The following CCDC3 variants were observed in gnomAD, a reference collection of about 807,000 sequenced individuals.
CCDC3 encodes the protein coiled-coil domain containing 3.
Under a neutral mutation model 21.4 loss-of-function variants are expected in CCDC3, and 24 were observed. That is an observed-to-expected ratio of 1.12 (90% CI 0.81 to 1.58). CCDC3 has a LOEUF of 1.58. CCDC3 is among the 40% of genes most tolerant of loss of function. The pLI, the probability that CCDC3 is intolerant of heterozygous loss-of-function variation, is 0.00. For synonymous variants in CCDC3, 186 were observed against 166.0 expected (o/e 1.12, Z -0.93); for missense variants, 425 against 360.9 (o/e 1.18, Z -1.44).
At chr10:13,021,920 C>T (rs1189496457) in intron 5 of CCDC3, among the ~76,000 whole-genome samples, 2 of 152,084 alleles carry the variant, frequency 1.3e-5, no homozygotes, top group African/African-American at 4.8e-5. Flanking sequence ...CCACCATGCC[C>T]AGCTAATTTT....
At chr10:13,055,367 T>C (rs552743849) in intron 4 of CCDC3, among the ~76,000 whole-genome samples, 214 of 151,892 alleles carry the variant, frequency 1.4e-3, no homozygotes, top group Middle Eastern at 3.4e-3. Flanking sequence ...GGTCTCACTC[T>C]GTCACCCAGG....
At chr10:13,039,199 T>C (rs1394464784) in intron 5 of CCDC3, among the ~76,000 whole-genome samples, 1 of 152,178 alleles carries the variant, frequency 6.6e-6, no homozygotes, top group African/African-American at 2.4e-5. Flanking sequence ...GCAGATCTCC[T>C]GAAGTCAGGG....
At chr10:13,035,186 C>T (rs916950817) in intron 5 of CCDC3, among the ~76,000 whole-genome samples, 1 of 152,072 alleles carries the variant, frequency 6.6e-6, no homozygotes, top group African/African-American at 2.4e-5. Context: ...CAGAGGCTTT[C>T]CTAGGTGGAA....
intron 2 of CCDC3, among the ~76,000 whole-genome samples, chr10:12,914,981 T>A (rs1564281550): frequency 6.6e-6 from 1 of 152,236 alleles, no homozygotes; most frequent in African/African-American, 2.4e-5. Context: ...TGTTATAAAC[T>A]TCTCTCTTAG....
At chr10:13,036,906 C>CA (rs1836384682) in intron 5 of CCDC3, among the ~76,000 whole-genome samples, 1 of 151,444 alleles carries the variant, frequency 6.6e-6, no homozygotes, top group Non-Finnish European at 1.5e-5. Flanking sequence ...CAGTATCCAG[C>CA]ATAGCTAGGA....
chr10:12,952,389 C>T (rs1255219961), intron 2 of CCDC3, among the ~76,000 whole-genome samples: 1 of 152,116 alleles, frequency 6.6e-6, no homozygotes, highest in Non-Finnish European at 1.5e-5. Context: ...TGTATTGAAC[C>T]CAACAAAGAA....
At chr10:12,943,052 A>C (rs746361526) in intron 2 of CCDC3, among the ~76,000 whole-genome samples, 1 of 152,054 alleles carries the variant, frequency 6.6e-6, no homozygotes, top group Non-Finnish European at 1.5e-5. Flanking sequence ...ATTTTTTTCT[A>C]TCTTCAGATG....
chr10:12,927,688 T>C (rs1834566442), intron 2 of CCDC3, among the ~76,000 whole-genome samples: 1 of 152,194 alleles, frequency 6.6e-6, no homozygotes, highest in South Asian at 2.1e-4. Context: ...AATTCTCTAA[T>C]ACACACTTTG....
chr10:13,062,507 T>C (rs184707828), intron 4 of CCDC3, among the ~76,000 whole-genome samples: 20 of 152,326 alleles, frequency 1.3e-4, no homozygotes, highest in Admixed American at 4.6e-4. Context: ...TTTTCTGTTA[T>C]AAGGGATGAT....
At chr10:12,903,218 G>A (rs867256478) in intron 2 of CCDC3, among the ~76,000 whole-genome samples, 4 of 152,172 alleles carry the variant, frequency 2.6e-5, no homozygotes, top group East Asian at 3.9e-4. Context: ...TGAGGCTAAC[G>A]CCATAAAATA....
intron 4 of CCDC3, among the ~76,000 whole-genome samples, chr10:13,059,418 T>G (rs1251329324): frequency 6.6e-6 from 1 of 152,232 alleles, no homozygotes; most frequent in Non-Finnish European, 1.5e-5. Context: ...GCAACAATAT[T>G]GAGTGAACAT....
rs963341073 is a variant in CCDC3, at chr10:12,897,432, T to C, written c.*984A>G. 6.6e-6 allele frequency: 1 copy of C among 152,140 alleles called. No individual in the cohort carries two copies. The highest frequency in any genetic ancestry group is 1.5e-5 in the Non-Finnish European group (1 of 68,064). 9.4% of individuals were successfully genotyped at this position (152,140 alleles called of 1,614,324 possible). A position where few individuals can be genotyped will look rare whatever the true frequency, so the allele number is the denominator to read the frequency against. On this transcript the variant is annotated 3_prime_UTR_variant, in exon 3 of 3. Coordinates refer to ENST00000378825, the MANE Select transcript of CCDC3 (RefSeq NM_031455.4). ...AACAAGGCTTGTTGTGGGGGAAAAG[T>C]GTTTGCATAAAGAAGAAGAGATTGG...
intron 4 of CCDC3, among the ~76,000 whole-genome samples, chr10:13,059,668 C>T (rs1243799184): frequency 6.6e-6 from 1 of 152,082 alleles, no homozygotes; most frequent in Non-Finnish European, 1.5e-5. Flanking sequence ...TGCCATTTCA[C>T]TTCATGGCTA....
At chr10:12,964,561 A>G (rs528860892) in intron 2 of CCDC3, among the ~76,000 whole-genome samples, 2 of 152,282 alleles carry the variant, frequency 1.3e-5, no homozygotes, top group African/African-American at 4.8e-5. Context: ...CCGAGCCAAA[A>G]GAATCACCAA....
At chr10:13,015,492 G>C (rs1002744188) in intron 5 of CCDC3, among the ~76,000 whole-genome samples, 1 of 152,042 alleles carries the variant, frequency 6.6e-6, no homozygotes, top group East Asian at 1.9e-4. Flanking sequence ...CTGTGTGTTA[G>C]TGTGCTGAGG....
At chr10:12,943,785 C>A (rs918183266) in intron 2 of CCDC3, among the ~76,000 whole-genome samples, 1 of 152,062 alleles carries the variant, frequency 6.6e-6, no homozygotes, top group Non-Finnish European at 1.5e-5. Flanking sequence ...ATGAGACGAC[C>A]CACTTGGAAG....
intron 2 of CCDC3, among the ~76,000 whole-genome samples, chr10:12,994,616 C>G (rs189863736): frequency 6.6e-6 from 1 of 152,048 alleles, no homozygotes; most frequent in Non-Finnish European, 1.5e-5. Context: ...TCTATTCTTA[C>G]TGGAATAAAA....
chr10:12,937,691 G>A (rs939442714), intron 2 of CCDC3, among the ~76,000 whole-genome samples: 1 of 152,174 alleles, frequency 6.6e-6, no homozygotes, highest in Non-Finnish European at 1.5e-5. Flanking sequence ...TTGTTCCATA[G>A]GGACAGTATG....
At chr10:12,940,596 C>A (rs1050250061) in intron 2 of CCDC3, among the ~76,000 whole-genome samples, 5 of 152,108 alleles carry the variant, frequency 3.3e-5, no homozygotes, top group Admixed American at 1.3e-4. Context: ...CCAATCATAA[C>A]CTTGTAGAGC....
Sources: gnomAD v4.1 joint callset for allele counts (sites outside exome capture counted in the v4.1 genomes callset) on GRCh38, gnomAD v4.1.1 for gene constraint, MANE v1.5 for transcripts, NCBI Gene and HGNC (gene_info 2026-07-23, HGNC 2026-07-21) for gene names.